APBB1IP: variants seen among roughly 807,000 people sequenced by gnomAD.
The protein encoded by APBB1IP is amyloid beta A4 precursor protein-binding family B member 1-interacting protein.
Under a neutral mutation model 64.9 loss-of-function variants are expected in APBB1IP, and 27 were observed. The observed-to-expected ratio is 0.42, with a 90% CI of 0.31 to 0.57. The LOEUF is 0.57. APBB1IP is among the 20% of genes least tolerant of loss of function. The pLI is 0.20. For missense variants in APBB1IP, 812 were observed against 845.5 expected (o/e 0.96, Z 0.49); for synonymous variants, 392 against 331.0 (o/e 1.18, Z -2.00).
At chr10:26,541,483 T>G in intron 10 of APBB1IP, 99 bp from the exon 11 acceptor site, 1 of 770,414 alleles carries the variant, frequency 1.3e-6, no homozygotes, top group Non-Finnish European at 2.1e-6. Flanking sequence ...AATATTTTCT[T>G]TACTAAAATA....
At chr10:26,478,168 C>T (rs559636610) in intron 2 of APBB1IP, among the ~76,000 whole-genome samples, 7 of 152,166 alleles carry the variant, frequency 4.6e-5, no homozygotes, top group Non-Finnish European at 1.0e-4. Context: ...AATGAGGAGA[C>T]ATTAAAGCAA....
Position 26,534,206 on chromosome 10 carries a change from A to G in APBB1IP, c.900+681A>G, listed in dbSNP as rs150920708. Among the ~76,000 whole-genome samples, 374 of 146,488 alleles carry G rather than the reference A, an allele frequency of 2.6e-3. 2 individuals carry two copies. Among genetic ancestry groups the G allele is most frequent in the South Asian group, 0.015 (67 of 4,570 alleles). The stretch of plus-strand genomic sequence containing the variant: ...CCTCGCATGGGGGCACACACCTGTA[A>G]TCCCAGCTACTCAGGAAGCTGAGGT... On this transcript the variant is annotated intron_variant, in intron 9 of 14. Transcript: ENST00000376236.
At chr10:26,500,285 A>G (rs1836080776) in intron 4 of APBB1IP, among the ~76,000 whole-genome samples, 2 of 152,110 alleles carry the variant, frequency 1.3e-5, no homozygotes, top group Non-Finnish European at 2.9e-5. Context: ...AGTTTTCTAC[A>G]GTTAGGTGGT....
At chr10:26,484,556 C>T (rs537062993) in intron 2 of APBB1IP, among the ~76,000 whole-genome samples, 41 of 152,184 alleles carry the variant, frequency 2.7e-4, no homozygotes, top group Non-Finnish European at 5.4e-4. Flanking sequence ...CCACCTGCCT[C>T]GGCCTCACAA....
intron 6 of APBB1IP, among the ~76,000 whole-genome samples, chr10:26,510,632 A>G (rs1433803652): frequency 6.6e-6 from 1 of 151,728 alleles, no homozygotes; most frequent in Admixed American, 6.6e-5. Flanking sequence ...ACCACTCAGG[A>G]GGCTGAGGTG....
chr10:26,542,146 C>G (rs975161698), intron 11 of APBB1IP, among the ~76,000 whole-genome samples: 1 of 152,052 alleles, frequency 6.6e-6, no homozygotes, highest in African/African-American at 2.4e-5. Flanking sequence ...TAGGTATTAT[C>G]AAATGTTAGA....
chr10:26,545,727 T>A (rs1221577691), intron 11 of APBB1IP, among the ~76,000 whole-genome samples: 1 of 147,694 alleles, frequency 6.8e-6, no homozygotes, highest in Non-Finnish European at 1.5e-5. Flanking sequence ...GCCACTGCAC[T>A]CCAGCCTGGG....
chr10:26,558,260 A>G (rs1419218781), intron 11 of APBB1IP, among the ~76,000 whole-genome samples: 1 of 152,194 alleles, frequency 6.6e-6, no homozygotes, highest in Non-Finnish European at 1.5e-5. Context: ...CCATATTAAT[A>G]TCTCAGAACC....
intron 2 of APBB1IP, among the ~76,000 whole-genome samples, chr10:26,475,956 A>C (rs975946264): frequency 2.0e-5 from 3 of 152,286 alleles, no homozygotes; most frequent in Admixed American, 6.5e-5. Context: ...ACACCAGTGC[A>C]GTGGTTCATG....
chr10:26,450,446 T>C (rs1242908750), intron 2 of APBB1IP, among the ~76,000 whole-genome samples: 1 of 152,234 alleles, frequency 6.6e-6, no homozygotes, highest in Admixed American at 6.5e-5. Flanking sequence ...GTTATCCACA[T>C]GCCTCTAAGG....
In APBB1IP at chr10:26,500,891, C is replaced by G; in HGVS notation, c.233C>G (p.Ala78Gly). The change falls in exon 5 of 15, where the codon GCT becomes GGT. Residue 78 changes from alanine (A) to glycine (G), a missense_variant. Ala to Gly is a moderately conservative substitution (Grantham distance 60). Around this residue, in one of 3 missense-constraint regions of APBB1IP, gnomAD observed 394 missense variants for 413.1 expected, o/e 0.95. Transcript: ENST00000376236. ...MADLVADISE[A>G]EQRTIQAQKE... ...GATCTGGTAGCAGACATAAGTGAGGCTGAGCAGAGGACAATCCAGGCACAG... is the reference window on the plus strand; with the variant it reads ...GATCTGGTAGCAGACATAAGTGAGGGTGAGCAGAGGACAATCCAGGCACAG... The G allele has an allele frequency of 6.2e-7, 1 of 1,614,164 alleles. No homozygotes were observed.
chr10:26,516,089 C>T (rs1299157625), intron 8 of APBB1IP, among the ~76,000 whole-genome samples: 2 of 152,008 alleles, frequency 1.3e-5, no homozygotes, highest in Admixed American at 1.3e-4. Context: ...AGTAAAGTTT[C>T]TAGGGGAGTG....
chr10:26,487,888 C>T (rs950065312), intron 2 of APBB1IP, among the ~76,000 whole-genome samples: 1 of 152,078 alleles, frequency 6.6e-6, no homozygotes, highest in African/African-American at 2.4e-5. Flanking sequence ...TTCCTATAAG[C>T]TTATTGTAAT....
intron 2 of APBB1IP, among the ~76,000 whole-genome samples, chr10:26,484,857 T>C (rs1270999784): frequency 4.6e-5 from 7 of 152,166 alleles, no homozygotes; most frequent in Admixed American, 6.5e-5. Flanking sequence ...ATGAAATTAG[T>C]TATATGATGT....
chr10:26,469,258 C>CTTTTTTTTTTTTT (rs386361721), intron 2 of APBB1IP, among the ~76,000 whole-genome samples: 72 of 112,902 alleles, frequency 6.4e-4, no homozygotes, highest in African/African-American at 1.0e-3. Flanking sequence ...CTTTTCTTTT[C>CTTTTTTTTTTTTT]TTTTTTTTTT....
At chr10:26,566,267 G>T (rs78725031) in intron 14 of APBB1IP, among the ~76,000 whole-genome samples, 4,902 of 152,018 alleles carry the variant, frequency 0.032, 95 homozygotes, top group South Asian at 0.042. Context: ...AATATATATA[G>T]AGAGAGAGAC....
chr10:26,470,339 C>A (rs1835701591), intron 2 of APBB1IP, among the ~76,000 whole-genome samples: 1 of 152,082 alleles, frequency 6.6e-6, no homozygotes, highest in Non-Finnish European at 1.5e-5. Flanking sequence ...GAGTTTGAGA[C>A]CACCCTGACC....
Position 26,501,127 on chromosome 10 carries a change from C to G in APBB1IP, c.453+16C>G, listed in dbSNP as rs775704795. The G allele has an allele frequency of 6.2e-7, 1 of 1,614,052 alleles. No individual in the cohort carries two copies. Among genetic ancestry groups the G allele is most frequent in the South Asian group, 1.1e-5 (1 of 91,090 alleles). On this transcript the variant is annotated intron_variant, in intron 5 of 14. Transcript: ENST00000376236. ...TCTCTCTCAGGTAAGTATGTGGGAC[C>G]AGAGATGGCAGGACCATCAACCTCT...
At chr10:26,481,295 C>T (rs1564356849) in intron 2 of APBB1IP, among the ~76,000 whole-genome samples, 1 of 152,076 alleles carries the variant, frequency 6.6e-6, no homozygotes, top group African/African-American at 2.4e-5. Flanking sequence ...AGTTCTCTCA[C>T]TTTTTTCTAA....
Sources: gnomAD v4.1 joint callset for allele counts (sites outside exome capture counted in the v4.1 genomes callset) on GRCh38, gnomAD v4.1.1 for gene constraint, gnomAD v4.1.1 regional missense constraint, MANE v1.5 for transcripts, NCBI Gene and HGNC (gene_info 2026-07-23, HGNC 2026-07-21) for gene names.